DPY19L4: variants seen among roughly 807,000 people sequenced by gnomAD.
The protein encoded by DPY19L4 is probable C-mannosyltransferase DPY19L4.
A neutral mutation model predicts 102.8 loss-of-function variants in DPY19L4; 97 were observed. The observed-to-expected ratio is 0.94, with a 90% CI of 0.80 to 1.12. The LOEUF (loss-of-function observed/expected upper bound fraction) is 1.12, where lower values mean the gene tolerates loss of function less well. Among genes scored for constraint, DPY19L4 ranks in the 50% most tolerant of loss-of-function variants. The pLI is 0.00. For synonymous variants in DPY19L4, 252 were observed against 283.1 expected (o/e 0.89, Z 1.10); for missense variants, 815 against 850.4 (o/e 0.96, Z 0.52).
intron 1 of DPY19L4, among the ~76,000 whole-genome samples, chr8:94,720,948 T>A (rs1810428633): frequency 6.6e-6 from 1 of 151,130 alleles, no homozygotes; most frequent in South Asian, 2.1e-4. Flanking sequence ...CAAGCCCCCC[T>A]GCCTTTTTTT....
chr8:94,767,453 C>T (rs1812726791), intron 11 of DPY19L4, among the ~76,000 whole-genome samples: 2 of 152,040 alleles, frequency 1.3e-5, no homozygotes, highest in East Asian at 3.9e-4. Context: ...GCTACCATGC[C>T]CGGCTAATTT....
chr8:94,782,033 C>T lies in DPY19L4; in HGVS notation c.1715+867C>T, dbSNP rs545891497. On this transcript the variant is annotated intron_variant, in intron 16 of 18. Transcript: ENST00000414645. ...CACATAAACAGCTCAATGCAGTGTG[C>T]GATAAACAGCAGAATTAGACCTCTA... 1.5e-4 allele frequency among the ~76,000 whole-genome samples: 23 copies of T among 152,166 alleles called. No individual in the cohort carries two copies. The South Asian group carries it at 3.7e-3, about 25-fold the overall frequency.
At chr8:94,764,392 C>G (rs1312425285) in intron 8 of DPY19L4, among the ~76,000 whole-genome samples, 1 of 151,440 alleles carries the variant, frequency 6.6e-6, no homozygotes. Flanking sequence ...CTGACTAACA[C>G]GGTGAAATCC....
intron 6 of DPY19L4, among the ~76,000 whole-genome samples, chr8:94,751,049 G>A (rs964151892): frequency 3.3e-5 from 5 of 151,708 alleles, no homozygotes; most frequent in African/African-American, 4.8e-5. Flanking sequence ...CCAAAGTGCC[G>A]GGATTACAGG....
chr8:94,752,491 C>T (rs996524733), intron 6 of DPY19L4, among the ~76,000 whole-genome samples: 18 of 142,778 alleles, frequency 1.3e-4, no homozygotes, highest in Admixed American at 6.7e-4. Context: ...GAGGCTGAGG[C>T]AGGAGAATGG....
At chr8:94,745,914 C>G (rs553378632) in intron 6 of DPY19L4, among the ~76,000 whole-genome samples, 1 of 152,038 alleles carries the variant, frequency 6.6e-6, no homozygotes, top group African/African-American at 2.4e-5. Flanking sequence ...GCCACCACAC[C>G]CACCTAATTT....
Position 94,791,132 on chromosome 8 carries a change from G to A in DPY19L4, c.*1222G>A, listed in dbSNP as rs1304269215. 6.6e-6 allele frequency: 1 copy of A among 152,060 alleles called. No homozygotes were observed. Among genetic ancestry groups the A allele is most frequent in the Non-Finnish European group, 1.5e-5 (1 of 67,948 alleles). The allele number at this position is 152,060 out of a possible 1,614,324, so 9.4% of individuals were successfully genotyped here. On this transcript the variant is annotated 3_prime_UTR_variant, in exon 19 of 19. Transcript: ENST00000414645. Reference sequence around the variant, plus strand: ...ATGTTTAGTTTTTCCTTATATTCCTGTTCAGTGAACAGATTTTCATAATTC... The same window carrying A: ...ATGTTTAGTTTTTCCTTATATTCCTATTCAGTGAACAGATTTTCATAATTC...
At chr8:94,738,551 G>A (rs1283531719) in intron 4 of DPY19L4, 92 bp downstream of exon 4, 7 of 572,250 alleles carry the variant, frequency 1.2e-5, no homozygotes, top group African/African-American at 2.4e-5. Context: ...GTCTTGCTCT[G>A]TCACCCAGGC....
At chr8:94,786,952 G>T (rs1056752342) in intron 17 of DPY19L4, among the ~76,000 whole-genome samples, 2 of 152,110 alleles carry the variant, frequency 1.3e-5, no homozygotes, top group African/African-American at 4.8e-5. Context: ...ATTGTTCCCC[G>T]AGGGGACATT....
At chr8:94,734,207 C>T (rs376604362) in intron 2 of DPY19L4, among the ~76,000 whole-genome samples, 3 of 151,502 alleles carry the variant, frequency 2.0e-5, no homozygotes, top group Non-Finnish European at 2.9e-5. Flanking sequence ...TACAAGTGTG[C>T]GCCACCACAC....
chr8:94,765,410 A>C, intron 9 of DPY19L4, 96 bp downstream of exon 9: 1 of 1,200,266 alleles, frequency 8.3e-7, no homozygotes, highest in Non-Finnish European at 1.2e-6. Context: ...ATCTCAGCTC[A>C]CTGCAACCTC....
intron 6 of DPY19L4, 93 bp from the exon 7 acceptor site, chr8:94,755,943 G>T: frequency 7.7e-7 from 1 of 1,302,610 alleles, no homozygotes; most frequent in South Asian, 1.5e-5. Context: ...TTGTTATGGA[G>T]AACAATGAGA....
chr8:94,752,981 G>A (rs1812012905), intron 6 of DPY19L4, among the ~76,000 whole-genome samples: 1 of 150,916 alleles, frequency 6.6e-6, no homozygotes, highest in African/African-American at 2.4e-5. Flanking sequence ...GATTCTTGAG[G>A]GTTTTCTATG....
At chr8:94,786,533 T>C (rs747372149) in intron 17 of DPY19L4, among the ~76,000 whole-genome samples, 29 of 152,156 alleles carry the variant, frequency 1.9e-4, no homozygotes, top group East Asian at 9.7e-4. Context: ...CTGAAAGCAA[T>C]GATGAACTGA....
At chr8:94,758,225 C>T (rs749170959) in intron 7 of DPY19L4, among the ~76,000 whole-genome samples, 2 of 152,092 alleles carry the variant, frequency 1.3e-5, no homozygotes, top group East Asian at 1.9e-4. Flanking sequence ...AGTGCGGTGG[C>T]GTGATCTAGG....
chr8:94,764,689 G>GTGTGTGTGTATATATATATATA (rs1415377058), intron 8 of DPY19L4, among the ~76,000 whole-genome samples: 1 of 43,210 alleles, frequency 2.3e-5, no homozygotes. Flanking sequence ...GTCTGTGTGT[G>GTGTGTGTGTATATATATATATA]TATATATATA....
chr8:94,738,885 C>T (rs1304169284), intron 4 of DPY19L4, among the ~76,000 whole-genome samples: 2 of 152,034 alleles, frequency 1.3e-5, no homozygotes, highest in East Asian at 3.9e-4. Context: ...TTTATTTTTA[C>T]TTTACATGTA....
rs1563594051 is a variant in DPY19L4, at chr8:94,756,076, G to C, written c.652G>C (p.Glu218Gln). ...AATTGAATACTCCATTCCTTTAAGA[G>C]AAAACTGGGCACTACCATATTTTGC... ...TRIEYSIPLR[E>Q]NWALPYFACQ... is the part of the protein sequence containing the mutation. Residue 218 changes from glutamate to glutamine, a missense_variant, in exon 7 of 19, where the codon GAA becomes CAA. Transcript: ENST00000414645. 6.2e-7 allele frequency: 1 copy of C among 1,613,284 alleles called. No individual in the cohort carries two copies. The highest frequency in any genetic ancestry group is 8.5e-7 in the Non-Finnish European group (1 of 1,179,890).
intron 6 of DPY19L4, among the ~76,000 whole-genome samples, chr8:94,755,567 C>T (rs1161990601): frequency 6.6e-6 from 1 of 152,140 alleles, no homozygotes; most frequent in African/African-American, 2.4e-5. Context: ...GGGGGTGAGA[C>T]CCTATTAATT....
Sources: gnomAD v4.1 joint callset for allele counts (sites outside exome capture counted in the v4.1 genomes callset) on GRCh38, gnomAD v4.1.1 for gene constraint, MANE v1.5 for transcripts, NCBI Gene and HGNC (gene_info 2026-07-23, HGNC 2026-07-21) for gene names.